The following TANC2 variants were observed in gnomAD, a reference collection of about 807,000 sequenced individuals.
The protein encoded by TANC2 is tetratricopeptide repeat, ankyrin repeat and coiled-coil containing 2, also known as protein TANC2.
TANC2 carries 26 observed loss-of-function variants against 210.5 expected under a neutral mutation model. The ratio of observed to expected loss-of-function variants is 0.12; its 90% CI spans 0.09 to 0.17. The LOEUF is 0.17. Among genes scored for constraint, TANC2 ranks in the 10% least tolerant of loss-of-function variants. TANC2 has a pLI of 1.00. For missense variants in TANC2, 2,129 were observed against 2,608.9 expected (o/e 0.82, Z 4.01); for synonymous variants, 931 against 967.1 (o/e 0.96, Z 0.69).
intron 6 of TANC2, among the ~76,000 whole-genome samples, chr17:63,197,399 G>A (rs2041380734): frequency 6.6e-6 from 1 of 152,100 alleles, no homozygotes; most frequent in African/African-American, 2.4e-5. Context: ...TGGCTAAATT[G>A]ATCATTTGAA....
intron 7 of TANC2, among the ~76,000 whole-genome samples, chr17:63,219,888 A>G (rs1260360330): frequency 2.6e-5 from 4 of 152,234 alleles, no homozygotes; most frequent in Non-Finnish European, 5.9e-5. Flanking sequence ...ACAAATTTTG[A>G]AAAAGAACAA....
Position 63,399,037 on chromosome 17 carries a change from G to A in TANC2, c.3331+123G>A, listed in dbSNP as rs887578462. On this transcript the variant is annotated intron_variant, in intron 19 of 27. Transcript: ENST00000689528. Reference sequence around the variant, plus strand: ...TTCTGTCTCAGGCTTTTGTAATGCAGACTGATTCAGCCAAACTAAACAGTC... The same window carrying A: ...TTCTGTCTCAGGCTTTTGTAATGCAAACTGATTCAGCCAAACTAAACAGTC... 13 of 605,830 alleles carry A rather than the reference G, an allele frequency of 2.1e-5. No homozygotes were observed. In the East Asian group the frequency reaches 3.4e-4, roughly 16 times the overall value. The allele number at this position is 605,830 out of a possible 1,614,324, so 37.5% of individuals were successfully genotyped here.
chr17:63,234,165 T>C (rs1046422447), intron 7 of TANC2, among the ~76,000 whole-genome samples: 4 of 152,198 alleles, frequency 2.6e-5, no homozygotes, highest in African/African-American at 7.2e-5. Context: ...GAAAGCCTGA[T>C]TGATCTCTTG....
chr17:63,082,330 T>A (rs1025170590), intron 3 of TANC2, among the ~76,000 whole-genome samples: 1 of 152,312 alleles, frequency 6.6e-6, no homozygotes, highest in East Asian at 1.9e-4. Flanking sequence ...TAGGAAGGTA[T>A]CTATTGGTAA....
At chr17:63,332,078 A>T in intron 11 of TANC2, 1 of 331,100 alleles carries the variant, frequency 3.0e-6, no homozygotes, top group South Asian at 3.0e-5. Context: ...CTTCCTGAAT[A>T]ATTTCATCCT....
intron 22 of TANC2, 60 bp from the exon 23 acceptor site, chr17:63,411,938 G>C: frequency 1.3e-6 from 2 of 1,592,292 alleles, no homozygotes; most frequent in Non-Finnish European, 1.7e-6. Context: ...CAGAGCCCTC[G>C]GTGGAACAGT....
At chr17:63,025,076 A>G (rs4968750) in intron 2 of TANC2, among the ~76,000 whole-genome samples, 144,209 of 152,276 alleles carry the variant, frequency 0.95, 68,381 homozygotes, top group South Asian at 0.99. Context: ...TCAGTTTCCT[A>G]TATGTTTTAT....
chr17:63,362,079 C>T (rs905007567), intron 14 of TANC2, among the ~76,000 whole-genome samples: 2 of 152,198 alleles, frequency 1.3e-5, no homozygotes, highest in African/African-American at 4.8e-5. Flanking sequence ...TGGATAGCTC[C>T]TATGTACAGG....
intron 11 of TANC2, chr17:63,332,652 T>A (rs1043307958): frequency 3.6e-5 from 7 of 193,594 alleles, no homozygotes; most frequent in Non-Finnish European, 6.3e-5. Flanking sequence ...AGAGCAATGA[T>A]AGATTCTTAA....
chr17:63,370,491 T>C (rs2147012542), intron 14 of TANC2, among the ~76,000 whole-genome samples: 1 of 152,352 alleles, frequency 6.6e-6, no homozygotes, highest in Non-Finnish European at 1.5e-5. Context: ...TTAGTCCTCC[T>C]TTCTACTCTT....
intron 4 of TANC2, among the ~76,000 whole-genome samples, chr17:63,144,577 G>A (rs2039401651): frequency 6.6e-6 from 1 of 152,108 alleles, no homozygotes; most frequent in Non-Finnish European, 1.5e-5. Context: ...ACACACAACA[G>A]TTTTTATATG....
At chr17:63,111,732 T>A (rs1227082369) in intron 4 of TANC2, among the ~76,000 whole-genome samples, 1 of 152,154 alleles carries the variant, frequency 6.6e-6, no homozygotes, top group Admixed American at 6.6e-5. Flanking sequence ...TTATTTTATT[T>A]ATTTATTTTT....
Position 63,109,390 on chromosome 17 carries a change from A to T in TANC2, c.322+10033A>T, listed in dbSNP as rs971355548. 7.3e-5 allele frequency among the ~76,000 whole-genome samples: 11 copies of T among 151,672 alleles called. 1 individual carries two copies. The highest frequency in any genetic ancestry group is 2.7e-4 in the African/African-American group (11 of 40,976). On this transcript the variant is annotated intron_variant, in intron 4 of 27. Transcript: ENST00000689528. ...GAAATTAGTCACTAATCTTTTTATT[A>T]TAAGGGAATACAGCATATAGCTTTA...
At chr17:63,365,263 C>T (rs1367255470) in intron 14 of TANC2, among the ~76,000 whole-genome samples, 2 of 149,098 alleles carry the variant, frequency 1.3e-5, no homozygotes, top group Admixed American at 6.7e-5. Context: ...ACACTAATAG[C>T]GTTCCATCCT....
intron 1 of TANC2, among the ~76,000 whole-genome samples, chr17:62,968,230 A>C (rs1468976501): frequency 6.6e-6 from 1 of 152,232 alleles, no homozygotes; most frequent in Non-Finnish European, 1.5e-5. Flanking sequence ...TAACAAAAGC[A>C]GAAATATGGA....
At chr17:63,147,227 C>T (rs1346802193) in intron 4 of TANC2, among the ~76,000 whole-genome samples, 1 of 151,824 alleles carries the variant, frequency 6.6e-6, no homozygotes, top group Admixed American at 6.6e-5. Flanking sequence ...ACTGTGGTCC[C>T]GACTACTCGG....
chr17:63,375,144 G>A (rs569385495), intron 14 of TANC2, among the ~76,000 whole-genome samples: 1 of 152,294 alleles, frequency 6.6e-6, no homozygotes, highest in African/African-American at 2.4e-5. Context: ...CACCATGGGA[G>A]CTAATATAGA....
chr17:63,172,179 C>CTTTCT (rs1408515789), intron 5 of TANC2, among the ~76,000 whole-genome samples: 2 of 147,302 alleles, frequency 1.4e-5, no homozygotes, highest in African/African-American at 5.0e-5. Context: ...TTTTCTTTTT[C>CTTTCT]TTTCTTTTCT....
intron 8 of TANC2, among the ~76,000 whole-genome samples, chr17:63,264,429 A>G (rs112559548): frequency 1.9e-3 from 295 of 152,310 alleles, no homozygotes; most frequent in African/African-American, 6.9e-3. Context: ...AGAGATAACC[A>G]GTAGCTCCCT....
Sources: allele counts gnomAD v4.1 joint callset (sites outside exome capture counted in the v4.1 genomes callset), GRCh38; gene constraint gnomAD v4.1.1; transcripts MANE v1.5; gene names NCBI Gene and HGNC (gene_info 2026-07-23, HGNC 2026-07-21).